The following GALNT2 variants were observed in gnomAD, a reference collection of about 807,000 sequenced individuals.
GALNT2 encodes the protein UDP-GalNAc:polypeptide N-acetylgalactosaminyltransferase 2.
In GALNT2, 31 loss-of-function variants were observed where a neutral mutation model predicts 81.4. The observed-to-expected ratio is 0.38, with a 90% CI of 0.29 to 0.51. GALNT2 has a LOEUF of 0.51. GALNT2 is among the 20% of genes least tolerant of loss of function. GALNT2 has a pLI of 0.87. For missense variants in GALNT2, 629 were observed against 765.7 expected (o/e 0.82, Z 2.11); for synonymous variants, 303 against 287.4 (o/e 1.05, Z -0.55).
Position 230,203,304 on chromosome 1 carries a change from T to A in GALNT2, c.374+14T>A. On this transcript the variant is annotated intron_variant, in intron 3 of 15. Coordinates refer to ENST00000366672, the MANE Select transcript of GALNT2 (RefSeq NM_004481.5). ...CCGGCATGACCAGTAAGTACCCCAC[T>A]AAGCACCTGCTGCAGCTTCATTTGC... 1 of 1,610,562 alleles carries A rather than the reference T, an allele frequency of 6.2e-7. No homozygotes were observed. Among genetic ancestry groups the A allele is most frequent in the Non-Finnish European group, 8.5e-7 (1 of 1,177,182 alleles).
chr1:230,169,242 A>G (rs10489615), intron 1 of GALNT2, among the ~76,000 whole-genome samples: 76,460 of 152,048 alleles, frequency 0.5, 20,629 homozygotes, highest in Non-Finnish European at 0.61. Context: ...GAAGAAGGCA[A>G]GTTTAATGTT....
chr1:230,138,540 A>AAAAG (rs1661627394), intron 1 of GALNT2, among the ~76,000 whole-genome samples: 1 of 150,226 alleles, frequency 6.7e-6, no homozygotes, highest in Non-Finnish European at 1.5e-5. Flanking sequence ...AAAAAAAAAA[A>AAAAG]AAAATGAAAC....
chr1:230,146,669 C>T (rs185558522), intron 1 of GALNT2, among the ~76,000 whole-genome samples: 8 of 152,130 alleles, frequency 5.3e-5, no homozygotes, highest in Admixed American at 3.9e-4. Context: ...TAGTAAGATG[C>T]ATTAATGAAA....
At chr1:230,141,265 C>T (rs1256261349) in intron 1 of GALNT2, among the ~76,000 whole-genome samples, 3 of 152,218 alleles carry the variant, frequency 2.0e-5, no homozygotes, top group Non-Finnish European at 2.9e-5. Context: ...CGTACAGGCT[C>T]TGGCTCCAGA....
At chr1:230,091,349 C>T (rs1364173448) in intron 1 of GALNT2, among the ~76,000 whole-genome samples, 5 of 151,982 alleles carry the variant, frequency 3.3e-5, no homozygotes, top group Non-Finnish European at 7.4e-5. Context: ...GCTGGGATTA[C>T]AGGTGTGAGC....
At chr1:230,134,118 T>G (rs937534383) in intron 1 of GALNT2, among the ~76,000 whole-genome samples, 30 of 148,604 alleles carry the variant, frequency 2.0e-4, no homozygotes, top group African/African-American at 7.0e-4. Flanking sequence ...ATCTGTTTTT[T>G]TTTTTTTTTT....
chr1:230,212,144 A>G (rs1664252459), intron 3 of GALNT2, among the ~76,000 whole-genome samples: 1 of 152,194 alleles, frequency 6.6e-6, no homozygotes, highest in Admixed American at 6.5e-5. Context: ...AAGGTGAGCC[A>G]CTTGCCTGAG....
chr1:230,211,043 G>A (rs1327892775), intron 3 of GALNT2, among the ~76,000 whole-genome samples: 1 of 152,212 alleles, frequency 6.6e-6, no homozygotes, highest in Admixed American at 6.5e-5. Context: ...GAAGATCTAG[G>A]GAAATCCACA....
At chr1:230,102,699 A>T (rs1660435867) in intron 1 of GALNT2, among the ~76,000 whole-genome samples, 1 of 152,144 alleles carries the variant, frequency 6.6e-6, no homozygotes, top group South Asian at 2.1e-4. Flanking sequence ...ATGACTCAGG[A>T]CAGTTGATGG....
At chr1:230,260,205 A>T (rs1421409249) in intron 11 of GALNT2, among the ~76,000 whole-genome samples, 1 of 152,218 alleles carries the variant, frequency 6.6e-6, no homozygotes, top group East Asian at 1.9e-4. Context: ...ATACTTATTT[A>T]ATACTACCTA....
intron 1 of GALNT2, among the ~76,000 whole-genome samples, chr1:230,143,461 A>G (rs1179735370): frequency 1.3e-5 from 2 of 152,196 alleles, no homozygotes; most frequent in Non-Finnish European, 1.5e-5. Flanking sequence ...ACCGCTGCCC[A>G]TCCTTCATGG....
chr1:230,221,305 C>A (rs1294617025), intron 3 of GALNT2, among the ~76,000 whole-genome samples: 3 of 152,168 alleles, frequency 2.0e-5, no homozygotes, highest in African/African-American at 7.2e-5. Context: ...CTGCTAGATT[C>A]TTTTCCTTTT....
At position 230,279,543 on chromosome 1, in the gene GALNT2, T is replaced by C; in HGVS notation, c.*85T>C. ...ACATTATTGATTATGTTTCTTAAAC[T>C]TTCCGCGAAACTAATATACCTCAGT... On this transcript the variant is annotated 3_prime_UTR_variant, in exon 16 of 16. Coordinates refer to ENST00000366672, the MANE Select transcript of GALNT2 (RefSeq NM_004481.5). This position sits in a 1 kb window ranked among gnomAD's most constrained non-coding sequence, Gnocchi z 4.6. The C allele has an allele frequency of 6.7e-7, 1 of 1,501,896 alleles. No individual in the cohort carries two copies. Among genetic ancestry groups the C allele is most frequent in the South Asian group, 1.3e-5 (1 of 77,878 alleles). The allele number at this position is 1,501,896 out of a possible 1,614,324, so 93.0% of individuals were successfully genotyped here. A position where few individuals can be genotyped will look rare whatever the true frequency, so the allele number is the denominator to read the frequency against.
At chr1:230,127,943 G>C (rs1044675632) in intron 1 of GALNT2, among the ~76,000 whole-genome samples, 14 of 152,344 alleles carry the variant, frequency 9.2e-5, no homozygotes, top group African/African-American at 3.4e-4. Context: ...TGTGGCCCTT[G>C]GTGCCCTCTG....
In GALNT2 at chr1:230,164,597, G is replaced by A. The variant is rs953751499; in HGVS notation, c.127-13621G>A. On this transcript the variant is annotated intron_variant, in intron 1 of 15. Coordinates refer to ENST00000366672, the MANE Select transcript of GALNT2 (RefSeq NM_004481.5). ...CGCCCAGGCTGGAGTCCAGTGGTGC[G>A]ATCTCGGCTCACTGTAACCTCTGCC... 6.6e-5 allele frequency among the ~76,000 whole-genome samples: 10 copies of A among 151,224 alleles called. No homozygotes were observed. In the East Asian group the frequency reaches 7.8e-4, roughly 12 times the overall value.
At chr1:230,062,993 GTTAT>G (rs565977237), upstream of GALNT2, among the ~76,000 whole-genome samples, 4 of 152,046 alleles carry the variant, frequency 2.6e-5, no homozygotes, top group African/African-American at 4.8e-5. Flanking sequence ...ACCAACACTT[GTTAT>G]TTATTTATTT....
At chr1:230,072,777 G>A (rs1278974269) in intron 1 of GALNT2, among the ~76,000 whole-genome samples, 8 of 152,142 alleles carry the variant, frequency 5.3e-5, no homozygotes, top group African/African-American at 1.9e-4. Flanking sequence ...GTCTTTCCTT[G>A]GGATCTCTTT....
intron 1 of GALNT2, among the ~76,000 whole-genome samples, chr1:230,088,606 C>T (rs941684735): frequency 1.3e-5 from 2 of 150,760 alleles, no homozygotes; most frequent in African/African-American, 2.4e-5. Context: ...GGCGCTATCT[C>T]GGCTCAGTGC....
chr1:230,186,007 A>G (rs1663324703), intron 2 of GALNT2, among the ~76,000 whole-genome samples: 1 of 152,174 alleles, frequency 6.6e-6, no homozygotes, highest in Admixed American at 6.5e-5. Flanking sequence ...GGCTTGTGAC[A>G]TTTCTCCAAC....
Sources: gnomAD v4.1 joint callset for allele counts (sites outside exome capture counted in the v4.1 genomes callset) on GRCh38, gnomAD v4.1.1 for gene constraint, Gnocchi (gnomAD v3.1) non-coding constraint, MANE v1.5 for transcripts, NCBI Gene and HGNC (gene_info 2026-07-23, HGNC 2026-07-21) for gene names.